Variants in RGS6 observed in about 807,000 individuals in gnomAD.
RGS6 encodes regulator of G-protein signaling 6.
In RGS6, 30 loss-of-function variants were observed where a neutral mutation model predicts 78.5. The observed-to-expected ratio is 0.38, with a 90% CI of 0.29 to 0.52. The LOEUF (loss-of-function observed/expected upper bound fraction) is 0.52. RGS6 is among the 20% of genes least tolerant of loss of function. The probability of loss-of-function intolerance (pLI) is 0.85; values close to 1 mark genes in which losing one functional copy is unlikely to be tolerated. For synonymous variants in RGS6, 206 were observed against 206.0 expected (o/e 1.00, Z 0.00); for missense variants, 495 against 609.7 (o/e 0.81, Z 1.98).
chr14:72,447,082 A>T (rs1411920808), intron 3 of RGS6, among the ~76,000 whole-genome samples: 1 of 152,158 alleles, frequency 6.6e-6, no homozygotes, highest in Middle Eastern at 3.2e-3. Flanking sequence ...CCCAGGGAGT[A>T]GCAGATGCAA....
the RGS6 span, among the ~76,000 whole-genome samples, chr14:71,879,591 G>A: frequency 6.6e-6 from 1 of 152,174 alleles, no homozygotes; most frequent in Non-Finnish European, 1.5e-5. Context: ...TAGTGAATAA[G>A]TCTCACAAGA....
chr14:72,184,228 C>T (rs944215353), intron 2 of RGS6, among the ~76,000 whole-genome samples: 2 of 151,980 alleles, frequency 1.3e-5, no homozygotes, highest in Admixed American at 6.6e-5. Flanking sequence ...ACAGTGCTCT[C>T]GCAAATATTT....
intron 6 of RGS6, among the ~76,000 whole-genome samples, chr14:72,463,510 C>G (rs140800467): frequency 6.6e-6 from 1 of 152,252 alleles, no homozygotes. Flanking sequence ...GTGGCCCCAG[C>G]TCTGCATTCC....
At chr14:72,388,241 C>G (rs1407432251) in intron 3 of RGS6, among the ~76,000 whole-genome samples, 2 of 151,560 alleles carry the variant, frequency 1.3e-5, no homozygotes, top group Non-Finnish European at 3.0e-5. Context: ...AAAACACACA[C>G]ACATACACAT....
intron 2 of RGS6, among the ~76,000 whole-genome samples, chr14:71,985,207 GCCGCCTC>G (rs1478718660): frequency 1.3e-5 from 2 of 151,798 alleles, no homozygotes; most frequent in Non-Finnish European, 2.9e-5. Flanking sequence ...CACTGCAACC[GCCGCCTC>G]CTAAGTTCAA....
chr14:71,871,784 C>T, the RGS6 span, among the ~76,000 whole-genome samples: 1 of 152,146 alleles, frequency 6.6e-6, no homozygotes, highest in Non-Finnish European at 1.5e-5. Flanking sequence ...TCTTCGTCAT[C>T]TCACTCCTGA....
chr14:72,622,652 C>A, the RGS6 span, among the ~76,000 whole-genome samples: 23 of 152,134 alleles, frequency 1.5e-4, no homozygotes, highest in East Asian at 3.7e-3. Context: ...GCACCATATT[C>A]TCTTCTCTTC....
chr14:72,343,633 G>A lies in RGS6; in HGVS notation c.85-8462G>A, dbSNP rs1174123118. Among the ~76,000 whole-genome samples, 10 of 115,858 alleles carry A rather than the reference G, an allele frequency of 8.6e-5. 1 individual carries two copies. In the South Asian group the frequency reaches 2.4e-3, roughly 28 times the overall value. The allele number at this position is 115,858 out of a possible 152,430, so 76.0% of individuals were successfully genotyped here. Reference sequence around the variant, plus strand: ...ACTTTGATGCTTATGGCATGGCCCCGTTTTCGTATCTTCTTCCACTCAGCT... The same window carrying A: ...ACTTTGATGCTTATGGCATGGCCCCATTTTCGTATCTTCTTCCACTCAGCT... On this transcript the variant is annotated intron_variant, in intron 2 of 17. Transcript: ENST00000553525.
rs1337198137 is a variant in RGS6 at position 71,936,020 on chromosome 14, A to ATATATATATATG, written c.-21+3090_-21+3091insGTATATATATAT. Among the ~76,000 whole-genome samples, 56 of 121,142 alleles carry ATATATATATATG rather than the reference A, an allele frequency of 4.6e-4. 1 individual carries two copies. Among genetic ancestry groups the ATATATATATATG allele is most frequent in the African/African-American group, 1.7e-3 (52 of 30,518 alleles). The allele number at this position is 121,142 out of a possible 152,430, so 79.5% of individuals were successfully genotyped here. On this transcript the variant is annotated intron_variant, in intron 1 of 17. Coordinates refer to ENST00000553525, the MANE Select transcript of RGS6 (RefSeq NM_001204424.2). ...TAGAGGGACAGAACTAATAGGATAT[A>ATATATATATATG]TATATATATATATATATATATGTAC...
chr14:72,084,228 T>C (rs2094935561), intron 2 of RGS6, among the ~76,000 whole-genome samples: 1 of 152,164 alleles, frequency 6.6e-6, no homozygotes, highest in Admixed American at 6.5e-5. Context: ...CTAGATCCCT[T>C]GCATGTGCAG....
chr14:72,034,029 A>G (rs1238717751), intron 2 of RGS6, among the ~76,000 whole-genome samples: 2 of 152,184 alleles, frequency 1.3e-5, no homozygotes, highest in Non-Finnish European at 2.9e-5. Flanking sequence ...TATTTTCATG[A>G]TGCTCGTTAG....
intron 12 of RGS6, among the ~76,000 whole-genome samples, chr14:72,488,097 C>G (rs2239275): frequency 0.14 from 22,023 of 152,178 alleles, 1,659 homozygotes; most frequent in Admixed American, 0.19. Context: ...AAGCCTCTGA[C>G]TTTATTTATG....
chr14:72,580,266 G>A, the RGS6 span, among the ~76,000 whole-genome samples: 6 of 150,426 alleles, frequency 4.0e-5, no homozygotes, highest in Admixed American at 1.3e-4. Flanking sequence ...TTGTGACTCA[G>A]AGGACACCAC....
intron 13 of RGS6, among the ~76,000 whole-genome samples, chr14:72,497,823 G>A (rs147274245): frequency 7.9e-4 from 119 of 150,704 alleles, no homozygotes; most frequent in African/African-American, 2.8e-3. Context: ...CTTTAACTCA[G>A]GATTTTTTTT....
At chr14:72,178,687 G>T (rs1289560987) in intron 2 of RGS6, among the ~76,000 whole-genome samples, 1 of 152,194 alleles carries the variant, frequency 6.6e-6, no homozygotes, top group African/African-American at 2.4e-5. Context: ...TCAAGGCTGG[G>T]AGGTACTGAC....
At chr14:72,409,015 G>A (rs975591366) in intron 3 of RGS6, among the ~76,000 whole-genome samples, 1 of 152,152 alleles carries the variant, frequency 6.6e-6, no homozygotes, top group African/African-American at 2.4e-5. Context: ...AAGTTTTTAA[G>A]CCATATATGT....
At chr14:72,003,845 G>T (rs1435636950) in intron 2 of RGS6, among the ~76,000 whole-genome samples, 1 of 152,138 alleles carries the variant, frequency 6.6e-6, no homozygotes, top group Non-Finnish European at 1.5e-5. Flanking sequence ...ATGGATCTTT[G>T]TACCATATCA....
At chr14:71,920,695 G>A in the RGS6 span, among the ~76,000 whole-genome samples, 10 of 152,334 alleles carry the variant, frequency 6.6e-5, no homozygotes, top group African/African-American at 2.4e-4. Flanking sequence ...AGTATGTCTG[G>A]TTGGGGTATT....
At chr14:72,402,668 A>G (rs1596926769) in intron 3 of RGS6, among the ~76,000 whole-genome samples, 1 of 152,186 alleles carries the variant, frequency 6.6e-6, no homozygotes, top group Non-Finnish European at 1.5e-5. Flanking sequence ...GTAAGTTAGT[A>G]CAGCCACTAT....
Sources: allele counts gnomAD v4.1 joint callset (sites outside exome capture counted in the v4.1 genomes callset), GRCh38; gene constraint gnomAD v4.1.1; transcripts MANE v1.5; gene names NCBI Gene and HGNC (gene_info 2026-07-23, HGNC 2026-07-21).